ZBTB20: variants seen among roughly 807,000 people sequenced by gnomAD.
The protein encoded by ZBTB20 is zinc finger and BTB domain-containing protein 20.
A neutral mutation model predicts 56.9 loss-of-function variants in ZBTB20; 9 were observed. The ratio of observed to expected loss-of-function variants is 0.16; its 90% CI spans 0.10 to 0.28. The LOEUF is 0.28. Among genes scored for constraint, ZBTB20 ranks in the 10% least tolerant of loss-of-function variants. The pLI is 1.00. For synonymous variants in ZBTB20, 417 were observed against 420.7 expected (o/e 0.99, Z 0.11); for missense variants, 655 against 1,003.0 (o/e 0.65, Z 4.69).
At chr3:114,341,438 G>C (rs978240569) in intron 11 of ZBTB20, among the ~76,000 whole-genome samples, 1 of 152,148 alleles carries the variant, frequency 6.6e-6, no homozygotes, top group Non-Finnish European at 1.5e-5. Flanking sequence ...TTTAAAACAT[G>C]TCCACCTGTC....
At chr3:114,441,548 G>A (rs1179931679) in intron 7 of ZBTB20, among the ~76,000 whole-genome samples, 1 of 152,078 alleles carries the variant, frequency 6.6e-6, no homozygotes, top group Non-Finnish European at 1.5e-5. Flanking sequence ...TTGGCTGGCT[G>A]TCATCCCATC....
rs535194467 is a variant in ZBTB20 at position 115,119,227 on chromosome 3, T to C, written c.-703+27992A>G. Reference sequence around the variant, plus strand: ...TTACTAATTAGAAAGAAACAGAGTATAAAAGTTAAAGGTATGTGGGTTCTG... The same window carrying C: ...TTACTAATTAGAAAGAAACAGAGTACAAAAGTTAAAGGTATGTGGGTTCTG... On this transcript the variant is annotated intron_variant, in intron 1 of 11. Transcript: ENST00000675478. Among the ~76,000 whole-genome samples, 4 of 152,280 alleles carry C rather than the reference T, an allele frequency of 2.6e-5. No homozygotes were observed. In the South Asian group the frequency reaches 6.2e-4, roughly 24 times the overall value.
At chr3:114,766,443 A>C (rs1485849367) in intron 5 of ZBTB20, among the ~76,000 whole-genome samples, 1 of 151,270 alleles carries the variant, frequency 6.6e-6, no homozygotes, top group Admixed American at 6.6e-5. Context: ...TGAATAAGAG[A>C]CTGTACCTTG....
rs1467697388 is a variant in ZBTB20 at position 114,337,662 on chromosome 3, G to C, written c.*1343C>G. 6.6e-6 allele frequency: 1 copy of C among 151,830 alleles called. No individual in the cohort carries two copies. The highest frequency in any genetic ancestry group is 1.5e-5 in the Non-Finnish European group (1 of 67,974). 9.4% of individuals were successfully genotyped at this position (151,830 alleles called of 1,614,324 possible). Reference sequence around the variant, plus strand: ...GGCCACAGAGGCCCTCATCAACCCAGGCAATACTTAAAATAATAAAAATTA... The same window carrying C: ...GGCCACAGAGGCCCTCATCAACCCACGCAATACTTAAAATAATAAAAATTA... On this transcript the variant is annotated 3_prime_UTR_variant, in exon 12 of 12. Transcript: ENST00000675478.
chr3:115,068,286 T>C (rs1344576335), intron 2 of ZBTB20, among the ~76,000 whole-genome samples: 1 of 152,004 alleles, frequency 6.6e-6, no homozygotes, highest in Non-Finnish European at 1.5e-5. Context: ...GTTGTCTTCA[T>C]GTAAAATAAC....
Position 114,380,228 on chromosome 3 carries a change from C to G in ZBTB20, c.188G>C (p.Gly63Ala). The G allele has an allele frequency of 1.3e-6, 2 of 1,536,090 alleles. No homozygotes were observed. Among genetic ancestry groups the G allele is most frequent in the Non-Finnish European group, 1.7e-6 (2 of 1,146,346 alleles). ...AGTGGTGTACTCACAATCAGATGAC[C>G]CGGTGTGAGCGTGAGAGTTTGTCAG... ...HSLTNSHAHT[G>A]SSDCDISCKG... Residue 63 changes from glycine to alanine, a missense_variant, in exon 10 of 12, where the codon GGG (glycine) becomes GCG (alanine). Physicochemically the swap from Gly to Ala is moderately conservative, Grantham distance 60. Transcript: ENST00000675478.
chr3:114,734,551 T>C (rs1234660193), intron 5 of ZBTB20, among the ~76,000 whole-genome samples: 3 of 152,120 alleles, frequency 2.0e-5, no homozygotes, highest in African/African-American at 7.2e-5. Flanking sequence ...CATAGACTAA[T>C]TGATATAAAT....
intron 4 of ZBTB20, among the ~76,000 whole-genome samples, chr3:114,893,205 G>C (rs964597985): frequency 6.6e-6 from 1 of 152,098 alleles, no homozygotes; most frequent in Non-Finnish European, 1.5e-5. Flanking sequence ...GCTAAGTCCT[G>C]GTGTACTCAG....
chr3:114,608,626 C>G (rs1025519252), intron 6 of ZBTB20, among the ~76,000 whole-genome samples: 1 of 152,164 alleles, frequency 6.6e-6, no homozygotes, highest in Non-Finnish European at 1.5e-5. Flanking sequence ...TTTAAAATAG[C>G]TTAAGATACA....
chr3:115,027,724 A>G lies in ZBTB20; in HGVS notation c.-507+43495T>C, dbSNP rs192001020. The stretch of plus-strand genomic sequence containing the variant: ...CTACAAATATTCAGAAAGCATTAAA[A>G]TATGTCAAAATACTGTTACAGATAT... On this transcript the variant is annotated intron_variant, in intron 2 of 11. Transcript: ENST00000675478. The G allele has an allele frequency of 7.6e-4, 115 of 151,132 alleles. No homozygotes were observed. In the Middle Eastern group the frequency reaches 0.017, roughly 22 times the overall value. 9.4% of individuals were successfully genotyped at this position (151,132 alleles called of 1,614,324 possible).
At chr3:114,463,332 G>A (rs372543567) in intron 7 of ZBTB20, among the ~76,000 whole-genome samples, 3 of 152,094 alleles carry the variant, frequency 2.0e-5, no homozygotes, top group Non-Finnish European at 2.9e-5. Flanking sequence ...AGACATCTAC[G>A]TTGTATATGC....
intron 4 of ZBTB20, among the ~76,000 whole-genome samples, chr3:114,857,612 TCA>T (rs1488189411): frequency 6.6e-6 from 1 of 152,178 alleles, no homozygotes; most frequent in Non-Finnish European, 1.5e-5. Context: ...CCTCCCTGGT[TCA>T]ATCAAAGGAA....
At chr3:115,112,606 C>T (rs2083909089) in intron 1 of ZBTB20, among the ~76,000 whole-genome samples, 1 of 152,130 alleles carries the variant, frequency 6.6e-6, no homozygotes, top group Non-Finnish European at 1.5e-5. Context: ...ACCTCCAGCT[C>T]CATTCACATT....
chr3:114,501,864 A>C (rs1164152949), intron 6 of ZBTB20, among the ~76,000 whole-genome samples: 1 of 151,384 alleles, frequency 6.6e-6, no homozygotes, highest in Non-Finnish European at 1.5e-5. Context: ...ACGCACCACC[A>C]CACCCAGCTA....
intron 2 of ZBTB20, among the ~76,000 whole-genome samples, chr3:115,063,652 AACACACACACACAC>A (rs67995178): frequency 6.7e-6 from 1 of 149,536 alleles, no homozygotes; most frequent in South Asian, 2.1e-4. Flanking sequence ...TTGTCAAAGC[AACACACACACACAC>A]ACACACACAC....
chr3:114,484,339 C>T (rs950732546), intron 7 of ZBTB20, among the ~76,000 whole-genome samples: 3 of 152,256 alleles, frequency 2.0e-5, no homozygotes, highest in African/African-American at 7.2e-5. Context: ...CCCTACAGTA[C>T]ATTGTGTGCT....
intron 5 of ZBTB20, among the ~76,000 whole-genome samples, chr3:114,694,552 A>G (rs1218131113): frequency 2.0e-5 from 3 of 151,862 alleles, no homozygotes; most frequent in African/African-American, 7.3e-5. Context: ...AGAACCCTAT[A>G]GAATTTTTTT....
Position 114,326,390 on chromosome 3 carries a change from T to C in ZBTB20, c.*12615A>G, listed in dbSNP as rs967428394. ...GGTTTCTTTCTCAAGGAACAGGTTTTTGTTTTAACTGTTCTATCCTCAAAG... is the reference window on the plus strand; with the variant it reads ...GGTTTCTTTCTCAAGGAACAGGTTTCTGTTTTAACTGTTCTATCCTCAAAG... On this transcript the variant is annotated 3_prime_UTR_variant, in exon 12 of 12. Transcript: ENST00000675478. 3 of 152,198 alleles carry C rather than the reference T, an allele frequency of 2.0e-5. No individual in the cohort carries two copies. The highest frequency in any genetic ancestry group is 7.2e-5 in the African/African-American group (3 of 41,456). The allele number at this position is 152,198 out of a possible 1,614,324, so 9.4% of individuals were successfully genotyped here.
chr3:115,004,768 C>G (rs2079397738), intron 2 of ZBTB20, among the ~76,000 whole-genome samples: 2 of 151,642 alleles, frequency 1.3e-5, no homozygotes, highest in Non-Finnish European at 3.0e-5. Context: ...TTTTTATTTA[C>G]AAATCATTTC....
Sources: gnomAD v4.1 joint callset for allele counts (sites outside exome capture counted in the v4.1 genomes callset) on GRCh38, gnomAD v4.1.1 for gene constraint, MANE v1.5 for transcripts, NCBI Gene and HGNC (gene_info 2026-07-23, HGNC 2026-07-21) for gene names.